Variants in RBFOX1 observed in about 807,000 individuals in gnomAD.
RBFOX1 encodes RNA binding protein fox-1 homolog 1.
RBFOX1 carries 8 observed loss-of-function variants against 57.7 expected under a neutral mutation model. The observed-to-expected ratio is 0.14, with a 90% confidence interval of 0.08 to 0.25. The LOEUF is 0.25. Ranked by LOEUF, RBFOX1 falls within the 10% of genes least tolerant of loss-of-function variation. RBFOX1 has a pLI of 1.00. For missense variants in RBFOX1, 611 were observed against 548.5 expected (o/e 1.11, Z -1.14); for synonymous variants, 326 against 222.4 (o/e 1.47, Z -4.15).
At chr16:6,966,735 C>G (rs1321087583) in intron 3 of RBFOX1, among the ~76,000 whole-genome samples, 3 of 151,972 alleles carry the variant, frequency 2.0e-5, no homozygotes, top group East Asian at 1.9e-4. Context: ...GTCACTGTAA[C>G]TCTGCCTGCC....
At chr16:6,032,394 A>G (rs1223036650) in intron 1 of RBFOX1, among the ~76,000 whole-genome samples, 7 of 152,122 alleles carry the variant, frequency 4.6e-5, no homozygotes, top group African/African-American at 7.2e-5. Context: ...AAAATATACA[A>G]TTATTCATTC....
intron 1 of RBFOX1, among the ~76,000 whole-genome samples, chr16:6,197,921 T>C (rs2097191069): frequency 4.6e-5 from 7 of 152,194 alleles, no homozygotes; most frequent in Admixed American, 4.6e-4. Flanking sequence ...GTCCCTGCAT[T>C]AGTTTGCTAA....
intron 1 of RBFOX1, among the ~76,000 whole-genome samples, chr16:5,296,467 C>T (rs78552178): frequency 0.032 from 4,910 of 151,852 alleles, 132 homozygotes; most frequent in East Asian, 0.1. Context: ...ATGTTCTGGG[C>T]CAGATACTGT....
intron 4 of RBFOX1, among the ~76,000 whole-genome samples, chr16:7,131,089 A>G (rs1414871997): frequency 6.6e-6 from 1 of 152,164 alleles, no homozygotes; most frequent in Non-Finnish European, 1.5e-5. Flanking sequence ...TCATGCCTGT[A>G]ATCCCAGCAT....
At chr16:6,889,820 G>C (rs1020927871) in intron 3 of RBFOX1, among the ~76,000 whole-genome samples, 1 of 152,180 alleles carries the variant, frequency 6.6e-6, no homozygotes, top group African/African-American at 2.4e-5. Flanking sequence ...TTTCTTTTAG[G>C]TGGTTCACAG....
At chr16:5,873,336 C>T (rs143076219) in intron 4 of RBFOX1, among the ~76,000 whole-genome samples, 125 of 152,282 alleles carry the variant, frequency 8.2e-4, no homozygotes, top group African/African-American at 2.8e-3. Flanking sequence ...GTTAATGGCC[C>T]TCTTGTCTCC....
chr16:7,700,820 AAG>A (rs1380663128), intron 14 of RBFOX1, among the ~76,000 whole-genome samples: 2 of 151,362 alleles, frequency 1.3e-5, no homozygotes, highest in African/African-American at 4.8e-5. Context: ...TCAGAATAGG[AAG>A]AGGTTTTCAG....
intron 2 of RBFOX1, among the ~76,000 whole-genome samples, chr16:6,637,208 ATATAT>A (rs1257233994): frequency 1.7e-5 from 1 of 59,274 alleles, no homozygotes; most frequent in African/African-American, 7.9e-5. Context: ...TATATATTAT[ATATAT>A]TATATAATAT....
chr16:6,627,719 G>T (rs1473229338), intron 2 of RBFOX1, among the ~76,000 whole-genome samples: 1 of 152,216 alleles, frequency 6.6e-6, no homozygotes, highest in Non-Finnish European at 1.5e-5. Context: ...TGAGGTGTCA[G>T]TCATCCCCCC....
chr16:6,641,658 C>T (rs1043013347), intron 2 of RBFOX1, among the ~76,000 whole-genome samples: 35 of 147,916 alleles, frequency 2.4e-4, no homozygotes, highest in African/African-American at 5.8e-4. Context: ...TCACTTGAAC[C>T]TGGGAGGCGG....
chr16:6,780,520 TTATA>T (rs1204945162), intron 3 of RBFOX1, among the ~76,000 whole-genome samples: 2 of 115,894 alleles, frequency 1.7e-5, no homozygotes, highest in Non-Finnish European at 3.4e-5. Flanking sequence ...ATATATACAT[TTATA>T]TATATTTATA....
intron 2 of RBFOX1, among the ~76,000 whole-genome samples, chr16:6,519,669 G>A (rs8045626): frequency 6.6e-6 from 1 of 152,044 alleles, no homozygotes; most frequent in Non-Finnish European, 1.5e-5. Flanking sequence ...CTACTGCACT[G>A]CAGTCTGGGT....
At chr16:7,063,612 C>G (rs1282890872) in intron 4 of RBFOX1, among the ~76,000 whole-genome samples, 2 of 152,120 alleles carry the variant, frequency 1.3e-5, no homozygotes, top group Non-Finnish European at 2.9e-5. Context: ...GTTTTGATGT[C>G]TCAGCCTTAT....
intron 12 of RBFOX1, among the ~76,000 whole-genome samples, chr16:7,660,535 A>G (rs1478135975): frequency 6.6e-6 from 1 of 152,230 alleles, no homozygotes; most frequent in Non-Finnish European, 1.5e-5. Context: ...GGAAACTAGC[A>G]TGAGGCTTTG....
chr16:7,623,624 G>C (rs867638867), intron 10 of RBFOX1, among the ~76,000 whole-genome samples: 1 of 152,160 alleles, frequency 6.6e-6, no homozygotes, highest in Non-Finnish European at 1.5e-5. Flanking sequence ...AGCTTTGCTC[G>C]CTCACCTGCA....
intron 2 of RBFOX1, among the ~76,000 whole-genome samples, chr16:6,374,924 G>T (rs542131970): frequency 2.0e-5 from 3 of 152,324 alleles, no homozygotes; most frequent in African/African-American, 7.2e-5. Context: ...TGGGATTCCT[G>T]TTAGCAACTG....
In RBFOX1 at chr16:6,907,339, A is replaced by G. The variant is rs201013970; in HGVS notation, c.-15-144718A>G. Among the ~76,000 whole-genome samples the G allele has an allele frequency of 3.9e-5, 6 of 152,284 alleles. No homozygotes were observed. In the East Asian group the frequency reaches 1.2e-3, roughly 30 times the overall value. Reference sequence around the variant, plus strand: ...CAGTGCCCAGAGCTTCACTCAGAGAAACAGTGTATCGAGCTGTCCTTGAGA... The same window carrying G: ...CAGTGCCCAGAGCTTCACTCAGAGAGACAGTGTATCGAGCTGTCCTTGAGA... On this transcript the variant is annotated intron_variant, in intron 3 of 15. Transcript: ENST00000550418.
At chr16:5,974,528 C>T (rs1031702062) in intron 4 of RBFOX1, among the ~76,000 whole-genome samples, 5 of 151,558 alleles carry the variant, frequency 3.3e-5, no homozygotes, top group African/African-American at 7.3e-5. Context: ...GAGAATCACT[C>T]GAACCCGGGA....
chr16:6,516,696 G>T (rs1304708210), intron 2 of RBFOX1, among the ~76,000 whole-genome samples: 1 of 152,136 alleles, frequency 6.6e-6, no homozygotes, highest in African/African-American at 2.4e-5. Flanking sequence ...ATTATTCGTG[G>T]TGCTAGTTGC....
Sources: allele counts gnomAD v4.1 joint callset (sites outside exome capture counted in the v4.1 genomes callset), GRCh38; gene constraint gnomAD v4.1.1; transcripts MANE v1.5; gene names NCBI Gene and HGNC (gene_info 2026-07-23, HGNC 2026-07-21).